SP100: variants seen among roughly 807,000 people sequenced by gnomAD.
SP100 encodes the protein SP100 nuclear body protein, also known as nuclear autoantigen Sp-100.
Under a neutral mutation model 130.0 loss-of-function variants are expected in SP100, and 84 were observed. That is an observed-to-expected ratio of 0.65 (90% CI 0.54 to 0.77). SP100 has a LOEUF of 0.77. Among genes scored for constraint, SP100 ranks in the 30% least tolerant of loss-of-function variants. SP100 has a pLI of 0.00. For synonymous variants in SP100, 331 were observed against 351.7 expected (o/e 0.94, Z 0.66); for missense variants, 978 against 1,052.2 (o/e 0.93, Z 0.97).
intron 18 of SP100, among the ~76,000 whole-genome samples, chr2:230,495,492 G>C (rs1280479344): frequency 6.6e-6 from 1 of 152,004 alleles, no homozygotes; most frequent in Non-Finnish European, 1.5e-5. Context: ...GCTAATTTTT[G>C]TATTTTTAGT....
At chr2:230,537,370 CT>C (rs899052794) in intron 24 of SP100, among the ~76,000 whole-genome samples, 5 of 152,154 alleles carry the variant, frequency 3.3e-5, no homozygotes, top group African/African-American at 1.2e-4. Context: ...CTAGCAAGAT[CT>C]AGATCAATCC....
intron 8 of SP100, among the ~76,000 whole-genome samples, chr2:230,457,840 A>G (rs1424175100): frequency 6.6e-6 from 1 of 152,056 alleles, no homozygotes; most frequent in African/African-American, 2.4e-5. Context: ...CTTCTCCCCA[A>G]TTTTCTAATT....
At chr2:230,503,505 T>G (rs1293049211) in intron 20 of SP100, among the ~76,000 whole-genome samples, 1 of 152,212 alleles carries the variant, frequency 6.6e-6, no homozygotes, top group Non-Finnish European at 1.5e-5. Context: ...CTTTTAGCTA[T>G]TTTGAGATGT....
intron 2 of SP100, among the ~76,000 whole-genome samples, chr2:230,433,221 T>C (rs913308047): frequency 6.6e-6 from 1 of 152,228 alleles, no homozygotes; most frequent in Non-Finnish European, 1.5e-5. Context: ...TGCATGTGCC[T>C]ATCCAGTTAT....
chr2:230,517,517 T>C (rs1690978056), intron 24 of SP100, among the ~76,000 whole-genome samples: 1 of 152,148 alleles, frequency 6.6e-6, no homozygotes, highest in Admixed American at 6.6e-5. Flanking sequence ...ATCCCAGCAC[T>C]GTGGGAGGCC....
chr2:230,522,498 T>TTTTTG (rs1691220638), intron 24 of SP100, among the ~76,000 whole-genome samples: 1 of 145,082 alleles, frequency 6.9e-6, no homozygotes, highest in Non-Finnish European at 1.5e-5. Context: ...TTTTTTTTTT[T>TTTTTG]GAGACAGAGT....
chr2:230,522,660 T>C lies in SP100; in HGVS notation c.2094+11494T>C, dbSNP rs542555760. 1.1e-4 allele frequency among the ~76,000 whole-genome samples: 17 copies of C among 151,238 alleles called. No homozygotes were observed. The South Asian group carries it at 3.6e-3, about 32-fold the overall frequency. ...CACACCACCACGCCCAGCTAATTTTTTGTATTTTTAGTAGGGACAGGGTTT... is the reference window on the plus strand; with the variant it reads ...CACACCACCACGCCCAGCTAATTTTCTGTATTTTTAGTAGGGACAGGGTTT... On this transcript the variant is annotated intron_variant, in intron 24 of 28. Transcript: ENST00000340126.
chr2:230,524,197 A>AAAAAG (rs1575803549), intron 24 of SP100, among the ~76,000 whole-genome samples: 2 of 141,556 alleles, frequency 1.4e-5, no homozygotes, highest in East Asian at 3.9e-4. Flanking sequence ...AAAAAAAAAA[A>AAAAAG]AAAAGAAAAT....
intron 14 of SP100, among the ~76,000 whole-genome samples, chr2:230,469,605 C>T (rs2065163057): frequency 6.6e-6 from 1 of 152,158 alleles, no homozygotes; most frequent in Non-Finnish European, 1.5e-5. Flanking sequence ...CCACACTGAT[C>T]TGTTGACTTC....
chr2:230,432,407 G>A (rs577340697), intron 2 of SP100, among the ~76,000 whole-genome samples: 3 of 152,148 alleles, frequency 2.0e-5, no homozygotes, highest in African/African-American at 7.2e-5. Context: ...ATTTAGGAGT[G>A]AAACTATTGG....
At position 230,462,740 on chromosome 2, in the gene SP100, T is replaced by C. The variant is rs548130720; in HGVS notation, c.1057+222T>C. The C allele has an allele frequency of 5.3e-5, 27 of 510,166 alleles. No individual in the cohort carries two copies. The South Asian group carries it at 5.5e-4, about 10-fold the overall frequency. The allele number at this position is 510,166 out of a possible 1,614,324, so 31.6% of individuals were successfully genotyped here. On this transcript the variant is annotated intron_variant, in intron 10 of 28. Coordinates refer to ENST00000340126, the MANE Select transcript of SP100 (RefSeq NM_001080391.2). ...GAATTAGCCTTCTTTCTTGATGGAT[T>C]CTATTAATCAATATTCATACCCATA...
At chr2:230,504,321 G>C in intron 21 of SP100, 31 bp downstream of exon 21, 1 of 1,283,086 alleles carries the variant, frequency 7.8e-7, no homozygotes, top group African/African-American at 1.5e-5. Flanking sequence ...ACGATTTTCA[G>C]CTGGAAAATA....
chr2:230,471,804 GA>G (rs2065275783), intron 15 of SP100, among the ~76,000 whole-genome samples: 1 of 152,104 alleles, frequency 6.6e-6, no homozygotes, highest in South Asian at 2.1e-4. Flanking sequence ...GTCACCAAAT[GA>G]AAAGATATAA....
intron 23 of SP100, chr2:230,510,522 T>C: frequency 1.4e-5 from 1 of 70,498 alleles, no homozygotes; most frequent in African/African-American, 5.0e-5. Flanking sequence ...TTTTTTTTTT[T>C]TTTTTTTTTT....
At chr2:230,522,618 A>G (rs1197486900) in intron 24 of SP100, among the ~76,000 whole-genome samples, 1 of 149,762 alleles carries the variant, frequency 6.7e-6, no homozygotes, top group Non-Finnish European at 1.5e-5. Context: ...CCTCCCGAGT[A>G]GCTGGGACTA....
intron 17 of SP100, among the ~76,000 whole-genome samples, chr2:230,493,583 T>C (rs1405647578): frequency 2.0e-5 from 3 of 151,956 alleles, no homozygotes; most frequent in African/African-American, 7.2e-5. Flanking sequence ...GTAATCTATG[T>C]CCTTCACTTT....
At chr2:230,503,334 C>G (rs111631211) in intron 20 of SP100, among the ~76,000 whole-genome samples, 1 of 151,978 alleles carries the variant, frequency 6.6e-6, no homozygotes, top group Admixed American at 6.6e-5. Context: ...GCAATGTGCA[C>G]GTTCTTTTTT....
intron 24 of SP100, among the ~76,000 whole-genome samples, chr2:230,519,076 T>C (rs1433482445): frequency 6.6e-6 from 1 of 152,240 alleles, no homozygotes; most frequent in Admixed American, 6.5e-5. Flanking sequence ...AAGTTATCTG[T>C]CCTACATGAC....
rs1371027711 is a variant in SP100 at position 230,467,223 on chromosome 2, C to T, written c.1291+8C>T. Reference sequence around the variant, plus strand: ...GCAAGCATGGTGAGAAGGGTAAGAACAGCTCCCTTGACTTCAGGGCTCTGA... The same window carrying T: ...GCAAGCATGGTGAGAAGGGTAAGAATAGCTCCCTTGACTTCAGGGCTCTGA... On this transcript the variant is annotated splice_region_variant and intron_variant, in intron 13 of 28. Coordinates refer to ENST00000340126, the MANE Select transcript of SP100 (RefSeq NM_001080391.2). 5 of 1,601,230 alleles carry T rather than the reference C, an allele frequency of 3.1e-6. No individual in the cohort carries two copies. The highest frequency in any genetic ancestry group is 4.3e-6 in the Non-Finnish European group (5 of 1,168,216).
Sources: gnomAD v4.1 joint callset for allele counts (sites outside exome capture counted in the v4.1 genomes callset) on GRCh38, gnomAD v4.1.1 for gene constraint, MANE v1.5 for transcripts, NCBI Gene and HGNC (gene_info 2026-07-23, HGNC 2026-07-21) for gene names.